Variants in MORN5 observed in about 807,000 individuals in gnomAD.
MORN5 encodes MORN repeat containing 5.
Under a neutral mutation model 22.1 loss-of-function variants are expected in MORN5, and 21 were observed. The observed-to-expected ratio is 0.95, with a 90% confidence interval of 0.67 to 1.37. The LOEUF (loss-of-function observed/expected upper bound fraction) is 1.37. MORN5 is among the 40% of genes most tolerant of loss of function. The pLI, the probability that MORN5 is intolerant of heterozygous loss-of-function variation, is 0.00. For missense variants in MORN5, 211 were observed against 215.1 expected (o/e 0.98, Z 0.12); for synonymous variants, 73 against 74.0 (o/e 0.99, Z 0.07).
chr9:122,166,482 C>T (rs113170344), intron 1 of MORN5, among the ~76,000 whole-genome samples: 14 of 152,172 alleles, frequency 9.2e-5, no homozygotes, highest in East Asian at 3.9e-4. Flanking sequence ...CACATCTCTA[C>T]GCTCTCTGGG....
At chr9:122,193,099 C>T (rs1220650116) in intron 4 of MORN5, among the ~76,000 whole-genome samples, 1 of 152,028 alleles carries the variant, frequency 6.6e-6, no homozygotes, top group African/African-American at 2.4e-5. Context: ...TAGGGGACAG[C>T]CAAGAGAGTA....
At chr9:122,191,497 A>G (rs995162191) in intron 4 of MORN5, among the ~76,000 whole-genome samples, 2 of 152,180 alleles carry the variant, frequency 1.3e-5, no homozygotes, top group Non-Finnish European at 2.9e-5. Context: ...GGACGAGTGT[A>G]GCCCCCACAT....
At chr9:122,160,154 T>C (rs1829169720) in intron 1 of MORN5, 135 bp downstream of exon 1, 1 of 716,190 alleles carries the variant, frequency 1.4e-6, no homozygotes, top group African/African-American at 1.8e-5. Context: ...AAGGACCATA[T>C]CTAATAAGCA....
chr9:122,185,507 T>C (rs1017371735), intron 4 of MORN5, among the ~76,000 whole-genome samples: 7 of 143,338 alleles, frequency 4.9e-5, no homozygotes, highest in Non-Finnish European at 9.1e-5. Flanking sequence ...ATTACAGGCG[T>C]GAGCCACTGC....
intron 1 of MORN5, among the ~76,000 whole-genome samples, chr9:122,166,382 G>A (rs189361731): frequency 1.6e-4 from 25 of 152,030 alleles, no homozygotes; most frequent in African/African-American, 6.0e-4. Flanking sequence ...GCAAGGATGG[G>A]TTGGTCATGG....
At chr9:122,188,871 G>C (rs1829698986) in intron 4 of MORN5, among the ~76,000 whole-genome samples, 1 of 152,148 alleles carries the variant, frequency 6.6e-6, no homozygotes, top group Non-Finnish European at 1.5e-5. Context: ...TGTCCGGGGA[G>C]CACCTTGCTA....
At chr9:122,172,128 A>ATTTT (rs749607897) in intron 3 of MORN5, among the ~76,000 whole-genome samples, 1 of 136,798 alleles carries the variant, frequency 7.3e-6, no homozygotes, top group Non-Finnish European at 1.6e-5. Flanking sequence ...CTCCTGGTTA[A>ATTTT]TTTTTTTTTT....
At chr9:122,170,089 G>A (rs1342681018) in intron 3 of MORN5, among the ~76,000 whole-genome samples, 1 of 152,180 alleles carries the variant, frequency 6.6e-6, no homozygotes, top group Admixed American at 6.5e-5. Flanking sequence ...CTTGAGGTCA[G>A]GACTTCCAGA....
chr9:122,165,375 A>G (rs1472365422), intron 1 of MORN5, among the ~76,000 whole-genome samples: 1 of 139,232 alleles, frequency 7.2e-6, no homozygotes, highest in Non-Finnish European at 1.5e-5. Flanking sequence ...CCTGGGCAAC[A>G]TAGGGAAACC....
At chr9:122,186,515 C>T (rs192965954) in intron 4 of MORN5, among the ~76,000 whole-genome samples, 552 of 152,286 alleles carry the variant, frequency 3.6e-3, no homozygotes, top group Middle Eastern at 6.8e-3. Flanking sequence ...TCCATACAGC[C>T]CTGTCAGGAC....
intron 3 of MORN5, among the ~76,000 whole-genome samples, chr9:122,171,337 C>T (rs1829363086): frequency 1.3e-5 from 2 of 152,206 alleles, no homozygotes. Context: ...GGTGAGCCGC[C>T]TTCTCTCCCT....
intron 3 of MORN5, among the ~76,000 whole-genome samples, chr9:122,170,115 T>C (rs1297657888): frequency 6.6e-6 from 1 of 152,030 alleles, no homozygotes; most frequent in African/African-American, 2.4e-5. Context: ...CTGGCCAACA[T>C]GGTGAAACCC....
intron 4 of MORN5, among the ~76,000 whole-genome samples, chr9:122,191,162 C>T (rs1450146669): frequency 6.6e-6 from 1 of 152,230 alleles, no homozygotes; most frequent in East Asian, 1.9e-4. Context: ...CGTGATGACA[C>T]ACACTGAGAC....
At chr9:122,194,152 C>T (rs145832155) in intron 4 of MORN5, among the ~76,000 whole-genome samples, 53 of 152,320 alleles carry the variant, frequency 3.5e-4, no homozygotes, top group African/African-American at 1.3e-3. Flanking sequence ...AGACCTAAAC[C>T]TGAAGTGCAC....
In MORN5 at chr9:122,166,873, A is replaced by C; in HGVS notation, c.153A>C (p.Gly51=). The C allele has an allele frequency of 1.2e-6, 2 of 1,614,014 alleles. No individual in the cohort carries two copies. Among genetic ancestry groups the C allele is most frequent in the Non-Finnish European group, 1.7e-6 (2 of 1,179,964 alleles). ...AGGGAACCCTGTACTTCCCCAGCGG[A>C]AGCCAATACGACGCCATTTGGGAAA... The part of the protein sequence containing the change: ...HGEGTLYFPS[G]SQYDAIWENG... The change falls in exon 2 of 5, where the codon GGA becomes GGC. Residue 51 remains glycine, a synonymous_variant. Transcript: ENST00000373764.
At chr9:122,185,680 C>A (rs928025327) in intron 4 of MORN5, among the ~76,000 whole-genome samples, 2 of 152,126 alleles carry the variant, frequency 1.3e-5, no homozygotes, top group African/African-American at 2.4e-5. Flanking sequence ...TGTTTCAGTG[C>A]CACTGACAAA....
At chr9:122,180,833 C>T (rs180734029) in intron 4 of MORN5, among the ~76,000 whole-genome samples, 2 of 152,302 alleles carry the variant, frequency 1.3e-5, no homozygotes. Flanking sequence ...CTATCTCCCC[C>T]ACAAGTCTGG....
intron 4 of MORN5, among the ~76,000 whole-genome samples, chr9:122,183,109 G>A (rs539884751): frequency 4.6e-5 from 7 of 152,224 alleles, no homozygotes; most frequent in Non-Finnish European, 1.0e-4. Context: ...AGAGCTTTAA[G>A]ACAAAAACAC....
At chr9:122,185,275 T>C (rs1829603631) in intron 4 of MORN5, among the ~76,000 whole-genome samples, 1 of 151,420 alleles carries the variant, frequency 6.6e-6, no homozygotes, top group South Asian at 2.1e-4. Context: ...CAGGCTGGAG[T>C]GCAGTGGTGC....
Sources: allele counts gnomAD v4.1 joint callset (sites outside exome capture counted in the v4.1 genomes callset), GRCh38; gene constraint gnomAD v4.1.1; transcripts MANE v1.5; gene names NCBI Gene and HGNC (gene_info 2026-07-23, HGNC 2026-07-21).